LCLAT1: variants seen among roughly 807,000 people sequenced by gnomAD.
LCLAT1 encodes the protein 1-AGP acyltransferase 8.
LCLAT1 carries 11 observed loss-of-function variants against 30.7 expected under a neutral mutation model. The ratio of observed to expected loss-of-function variants is 0.36; its 90% CI spans 0.23 to 0.59. The LOEUF (loss-of-function observed/expected upper bound fraction) is 0.59, where lower values mean the gene tolerates loss of function less well. Ranked by LOEUF, LCLAT1 falls within the 20% of genes least tolerant of loss-of-function variation. LCLAT1 has a pLI of 0.77. For missense variants in LCLAT1, 402 were observed against 458.6 expected (o/e 0.88, Z 1.13); for synonymous variants, 155 against 151.3 (o/e 1.02, Z -0.18).
rs1216711383 is a variant in LCLAT1 at position 30,451,668 on chromosome 2, T to G, written c.-5+4285T>G. ...TCAGCAGTAGAATGGATGAGTAAATTGTGATATATTTATAAGATGAAACAC... is the reference window on the plus strand; with the variant it reads ...TCAGCAGTAGAATGGATGAGTAAATGGTGATATATTTATAAGATGAAACAC... On this transcript the variant is annotated intron_variant, in intron 1 of 5. Coordinates refer to ENST00000379509, the MANE Select transcript of LCLAT1 (RefSeq NM_001002257.3). 2.7e-5 allele frequency among the ~76,000 whole-genome samples: 3 copies of G among 109,978 alleles called. 1 individual carries two copies. In the South Asian group the frequency reaches 1.1e-3, roughly 41 times the overall value. The allele number at this position is 109,978 out of a possible 152,430, so 72.1% of individuals were successfully genotyped here. A position where few individuals can be genotyped will look rare whatever the true frequency, so the allele number is the denominator to read the frequency against.
At chr2:30,603,321 C>T (rs1056849432) in intron 5 of LCLAT1, among the ~76,000 whole-genome samples, 2 of 151,638 alleles carry the variant, frequency 1.3e-5, no homozygotes, top group Non-Finnish European at 2.9e-5. Context: ...ATACAGTGAA[C>T]GAAAAAGACA....
At chr2:30,525,900 A>G in intron 2 of LCLAT1, 145 bp downstream of exon 2, 2 of 651,898 alleles carry the variant, frequency 3.1e-6, no homozygotes, top group South Asian at 4.2e-5. Context: ...AATAATCTCT[A>G]GATTGCTTAT....
intron 5 of LCLAT1, among the ~76,000 whole-genome samples, chr2:30,573,866 A>G (rs1352685252): frequency 1.3e-5 from 2 of 152,180 alleles, no homozygotes; most frequent in Non-Finnish European, 2.9e-5. Context: ...TAATTGGTCA[A>G]TGTAATTTTA....
intron 1 of LCLAT1, among the ~76,000 whole-genome samples, chr2:30,495,651 C>G (rs965286720): frequency 6.6e-6 from 1 of 152,034 alleles, no homozygotes; most frequent in African/African-American, 2.4e-5. Context: ...GAGCCTCAAT[C>G]TTCTCATTTC....
At chr2:30,569,439 A>G (rs1363181817) in intron 5 of LCLAT1, among the ~76,000 whole-genome samples, 2 of 152,244 alleles carry the variant, frequency 1.3e-5, no homozygotes, top group Non-Finnish European at 2.9e-5. Context: ...ACAGTCAACT[A>G]ACAGAAGTGT....
At chr2:30,479,199 T>G (rs1407028568) in intron 1 of LCLAT1, among the ~76,000 whole-genome samples, 1 of 152,096 alleles carries the variant, frequency 6.6e-6, no homozygotes, top group Non-Finnish European at 1.5e-5. Flanking sequence ...CCAGATGCAG[T>G]AGAGTATATA....
rs778104331 is a variant in LCLAT1 at position 30,524,643 on chromosome 2, C to G, written c.-4-944C>G. ...TATCCCTTTGTCCAGTGCATTGATA[C>G]AATATATGCTATGCTACCTGCCTCT... On this transcript the variant is annotated intron_variant, in intron 1 of 5. Coordinates refer to ENST00000379509, the MANE Select transcript of LCLAT1 (RefSeq NM_001002257.3). 4.1e-4 allele frequency among the ~76,000 whole-genome samples: 62 copies of G among 152,190 alleles called. 1 individual carries two copies. The highest frequency in any genetic ancestry group is 6.9e-4 in the Non-Finnish European group (47 of 68,036).
intron 5 of LCLAT1, among the ~76,000 whole-genome samples, chr2:30,583,164 T>C (rs1666277573): frequency 6.6e-6 from 1 of 152,220 alleles, no homozygotes; most frequent in Non-Finnish European, 1.5e-5. Flanking sequence ...ATCAAAAGGA[T>C]GATAGTATGG....
chr2:30,516,325 G>A (rs1392437217), intron 1 of LCLAT1, among the ~76,000 whole-genome samples: 3 of 152,052 alleles, frequency 2.0e-5, no homozygotes, highest in East Asian at 1.9e-4. Flanking sequence ...TTCACTCGCC[G>A]TCCACCACTG....
intron 1 of LCLAT1, among the ~76,000 whole-genome samples, chr2:30,456,640 C>G (rs1681852209): frequency 6.6e-6 from 1 of 152,100 alleles, no homozygotes; most frequent in East Asian, 1.9e-4. Context: ...CTTAGGAGAG[C>G]AGGGGTTTGT....
At chr2:30,515,999 A>G (rs559468794) in intron 1 of LCLAT1, among the ~76,000 whole-genome samples, 2 of 152,276 alleles carry the variant, frequency 1.3e-5, no homozygotes, top group Admixed American at 1.3e-4. Context: ...AAGAATTCCT[A>G]ACCCTAGCTG....
chr2:30,590,632 G>A (rs1666648579), intron 5 of LCLAT1, among the ~76,000 whole-genome samples: 1 of 151,344 alleles, frequency 6.6e-6, no homozygotes, highest in Admixed American at 6.6e-5. Context: ...CTTTGGAATG[G>A]AAACTTGACA....
chr2:30,631,839 G>C (rs1391594742), intron 5 of LCLAT1, among the ~76,000 whole-genome samples: 1 of 152,132 alleles, frequency 6.6e-6, no homozygotes, highest in Admixed American at 6.6e-5. Context: ...TTATATATGA[G>C]AGTTCCAAGA....
At chr2:30,513,924 T>G (rs1189527199) in intron 1 of LCLAT1, among the ~76,000 whole-genome samples, 1 of 152,238 alleles carries the variant, frequency 6.6e-6, no homozygotes, top group East Asian at 1.9e-4. Context: ...AACCAAACTG[T>G]GGTCTGACCA....
intron 1 of LCLAT1, among the ~76,000 whole-genome samples, chr2:30,503,779 A>G (rs1684512523): frequency 6.6e-6 from 1 of 152,250 alleles, no homozygotes; most frequent in Non-Finnish European, 1.5e-5. Flanking sequence ...GACTAAACCA[A>G]TCACTGTGCA....
intron 3 of LCLAT1, among the ~76,000 whole-genome samples, chr2:30,544,956 GTTTA>G (rs1247100477): frequency 8.6e-5 from 13 of 151,902 alleles, no homozygotes; most frequent in Non-Finnish European, 4.4e-5. Context: ...TGTTCCATTT[GTTTA>G]TTTTCTTTTC....
intron 1 of LCLAT1, among the ~76,000 whole-genome samples, chr2:30,473,746 C>T (rs1305262775): frequency 6.6e-6 from 1 of 152,148 alleles, no homozygotes; most frequent in African/African-American, 2.4e-5. Flanking sequence ...GATGAGTGGG[C>T]AACAGGTTGT....
At chr2:30,589,634 A>G (rs1009049580) in intron 5 of LCLAT1, among the ~76,000 whole-genome samples, 1 of 152,320 alleles carries the variant, frequency 6.6e-6, no homozygotes, top group Non-Finnish European at 1.5e-5. Flanking sequence ...CACTAATGTT[A>G]TTGGAGTGAA....
At position 30,562,224 on chromosome 2, in the gene LCLAT1, T is replaced by C. The variant is rs1665261973; in HGVS notation, c.443T>C (p.Ile148Thr). The C allele has an allele frequency of 1.2e-6, 2 of 1,612,936 alleles. No individual in the cohort carries two copies. The highest frequency in any genetic ancestry group is 1.1e-5 in the South Asian group (1 of 91,000). ...GACAAGAGCCATTTCGAAGACATGA[T>C]TGATTACTTTTGTGATATTCACGAA... ...KDDKSHFEDM[I>T]DYFCDIHEPL... Residue 148 changes from isoleucine to threonine, a missense_variant, in exon 4 of 6, where the codon ATT becomes ACT. Ile to Thr is a moderately conservative substitution (Grantham distance 89). Coordinates refer to ENST00000379509, the MANE Select transcript of LCLAT1 (RefSeq NM_001002257.3).
Sources: allele counts gnomAD v4.1 joint callset (sites outside exome capture counted in the v4.1 genomes callset), GRCh38; gene constraint gnomAD v4.1.1; transcripts MANE v1.5; gene names NCBI Gene and HGNC (gene_info 2026-07-23, HGNC 2026-07-21).